The following RGS6 variants were observed in gnomAD, a reference collection of about 807,000 sequenced individuals.
RGS6 encodes the protein regulator of G protein signaling 6.
RGS6 carries 30 observed loss-of-function variants against 78.5 expected under a neutral mutation model. The ratio of observed to expected loss-of-function variants is 0.38; its 90% CI spans 0.29 to 0.52. The LOEUF (loss-of-function observed/expected upper bound fraction) is 0.52. RGS6 is among the 20% of genes least tolerant of loss of function. RGS6 has a pLI of 0.85. For missense variants in RGS6, 495 were observed against 609.7 expected (o/e 0.81, Z 1.98); for synonymous variants, 206 against 206.0 (o/e 1.00, Z 0.00).
At chr14:71,927,807 G>A (rs36334), upstream of RGS6, among the ~76,000 whole-genome samples, 9,093 of 151,484 alleles carry the variant, frequency 0.06, 375 homozygotes, top group Non-Finnish European at 0.09. Context: ...ACAGGCGCGC[G>A]CCACCATGCC....
chr14:72,413,278 ATAGT>A (rs1410367305), intron 3 of RGS6, among the ~76,000 whole-genome samples: 2 of 152,324 alleles, frequency 1.3e-5, no homozygotes, highest in South Asian at 2.1e-4. Context: ...TATATTTAGG[ATAGT>A]TAGTTCTTCT....
intron 14 of RGS6, among the ~76,000 whole-genome samples, chr14:72,512,612 G>A (rs937144736): frequency 6.6e-6 from 1 of 152,222 alleles, no homozygotes; most frequent in Non-Finnish European, 1.5e-5. Flanking sequence ...CCTGCTCCAT[G>A]ACAGGAAAGG....
intron 2 of RGS6, among the ~76,000 whole-genome samples, chr14:72,177,731 CTT>C (rs2097125038): frequency 6.6e-6 from 1 of 152,100 alleles, no homozygotes; most frequent in South Asian, 2.1e-4. Flanking sequence ...CCTAAATGGC[CTT>C]TGAGCTTTCA....
At chr14:72,198,850 CAG>C (rs1168776870) in intron 2 of RGS6, among the ~76,000 whole-genome samples, 2 of 152,198 alleles carry the variant, frequency 1.3e-5, no homozygotes, top group Non-Finnish European at 1.5e-5. Context: ...AGAAAAGAGA[CAG>C]AGAGAGGAAA....
intron 2 of RGS6, among the ~76,000 whole-genome samples, chr14:72,018,980 A>G (rs557686744): frequency 1.3e-5 from 2 of 152,284 alleles, no homozygotes; most frequent in East Asian, 3.9e-4. Context: ...CTCTTGCTGA[A>G]ATGAGAGGCT....
intron 13 of RGS6, among the ~76,000 whole-genome samples, chr14:72,501,033 G>A (rs2096718078): frequency 6.6e-6 from 1 of 152,150 alleles, no homozygotes; most frequent in Admixed American, 6.5e-5. Context: ...GGGTGTGGGT[G>A]AAGGTTTGTG....
chr14:71,930,684 C>T (rs975926688), upstream of RGS6, among the ~76,000 whole-genome samples: 1 of 151,878 alleles, frequency 6.6e-6, no homozygotes, highest in Non-Finnish European at 1.5e-5. Context: ...CTGCTAGCCT[C>T]AGAAATGCAG....
chr14:72,172,706 G>A (rs1021676492), intron 2 of RGS6, among the ~76,000 whole-genome samples: 1 of 152,190 alleles, frequency 6.6e-6, no homozygotes, highest in Non-Finnish European at 1.5e-5. Context: ...CATGTGCTCA[G>A]TGGATTTTTA....
At chr14:72,578,550 C>T in the RGS6 span, among the ~76,000 whole-genome samples, 11 of 152,168 alleles carry the variant, frequency 7.2e-5, no homozygotes, top group Non-Finnish European at 1.6e-4. Context: ...CTCCCTATTC[C>T]CATCGAAATT....
chr14:72,364,699 A>G (rs1179870560), intron 3 of RGS6, among the ~76,000 whole-genome samples: 1 of 152,248 alleles, frequency 6.6e-6, no homozygotes, highest in African/African-American at 2.4e-5. Context: ...GCACTGCTAC[A>G]TAACGTACTG....
chr14:71,921,324 G>T, the RGS6 span, among the ~76,000 whole-genome samples: 1 of 151,136 alleles, frequency 6.6e-6, no homozygotes, highest in Non-Finnish European at 1.5e-5. Context: ...TTCCCCCAGG[G>T]ATTAAAAATA....
chr14:72,071,849 T>G (rs550039019), intron 2 of RGS6, among the ~76,000 whole-genome samples: 2 of 152,248 alleles, frequency 1.3e-5, no homozygotes, highest in Admixed American at 6.5e-5. Flanking sequence ...TTTCACGATG[T>G]CTTGTATTAT....
chr14:72,583,847 G>A, the RGS6 span, among the ~76,000 whole-genome samples: 2 of 152,212 alleles, frequency 1.3e-5, no homozygotes, highest in Admixed American at 1.3e-4. Flanking sequence ...CAGCCATGGA[G>A]GACACCCGCC....
chr14:72,416,316 G>T (rs1019518010), intron 3 of RGS6, among the ~76,000 whole-genome samples: 3 of 152,094 alleles, frequency 2.0e-5, no homozygotes, highest in African/African-American at 7.2e-5. Context: ...CATGGACCTT[G>T]AGCCCTGACA....
At chr14:72,423,916 G>C (rs2094321969) in intron 3 of RGS6, among the ~76,000 whole-genome samples, 1 of 152,202 alleles carries the variant, frequency 6.6e-6, no homozygotes, top group South Asian at 2.1e-4. Context: ...TTATAGAAGT[G>C]TTGAAAGCTT....
chr14:72,307,840 A>C (rs2067611193), intron 2 of RGS6, among the ~76,000 whole-genome samples: 2 of 152,234 alleles, frequency 1.3e-5, no homozygotes, highest in South Asian at 2.1e-4. Flanking sequence ...CAAATTTTCC[A>C]ATCAAAGACT....
chr14:72,334,784 C>T (rs1409957218), intron 2 of RGS6, among the ~76,000 whole-genome samples: 1 of 152,044 alleles, frequency 6.6e-6, no homozygotes, highest in African/African-American at 2.4e-5. Flanking sequence ...TAGAGGGACT[C>T]CCCTCCCTCC....
intron 2 of RGS6, among the ~76,000 whole-genome samples, chr14:72,341,044 A>C (rs2076889861): frequency 6.6e-6 from 1 of 152,168 alleles, no homozygotes. Context: ...AAGGAATAAA[A>C]AATATAGAAC....
chr14:72,149,429 A>G (rs529494995), intron 2 of RGS6, among the ~76,000 whole-genome samples: 73 of 152,306 alleles, frequency 4.8e-4, no homozygotes, highest in Admixed American at 1.7e-3. Context: ...GAAATCAGTT[A>G]TCATTCCAGC....
Sources: allele counts gnomAD v4.1 joint callset (sites outside exome capture counted in the v4.1 genomes callset), GRCh38; gene constraint gnomAD v4.1.1; transcripts MANE v1.5; gene names NCBI Gene and HGNC (gene_info 2026-07-23, HGNC 2026-07-21).